The following MCC variants were observed in gnomAD, a reference collection of about 807,000 sequenced individuals.
MCC encodes the protein MCC regulator of Wnt signaling pathway, also known as colorectal mutant cancer protein.
In MCC, 90 loss-of-function variants were observed where a neutral mutation model predicts 116.2. The observed-to-expected ratio is 0.77, with a 90% CI of 0.65 to 0.92. MCC has a LOEUF of 0.92. MCC is among the 40% of genes least tolerant of loss of function. MCC has a pLI of 0.00. For synonymous variants in MCC, 578 were observed against 510.5 expected (o/e 1.13, Z -1.78); for missense variants, 1,516 against 1,312.2 (o/e 1.16, Z -2.40).
intron 14 of MCC, among the ~76,000 whole-genome samples, chr5:113,055,657 G>A (rs1752783935): frequency 1.3e-5 from 2 of 152,212 alleles, no homozygotes; most frequent in South Asian, 4.1e-4. Context: ...AGGTAAGCTA[G>A]ATCAGCCTGA....
intron 1 of MCC, among the ~76,000 whole-genome samples, chr5:113,442,415 T>A (rs903899702): frequency 1.3e-5 from 2 of 152,218 alleles, no homozygotes; most frequent in African/African-American, 2.4e-5. Flanking sequence ...GTCAGATAGA[T>A]AGATTGCAAA....
intron 3 of MCC, among the ~76,000 whole-genome samples, chr5:113,282,515 A>G (rs1280081992): frequency 1.3e-5 from 2 of 152,180 alleles, no homozygotes; most frequent in African/African-American, 2.4e-5. Context: ...CTTCCATCAG[A>G]TTATGCCAAA....
At chr5:113,191,549 G>A (rs912588950) in intron 3 of MCC, among the ~76,000 whole-genome samples, 2 of 152,156 alleles carry the variant, frequency 1.3e-5, no homozygotes, top group African/African-American at 2.4e-5. Context: ...GGAGAAACAG[G>A]AGTGCAAGGG....
rs552198138 is a variant in MCC at position 113,191,406 on chromosome 5, G to C, written c.628-39984C>G. 5.9e-5 allele frequency among the ~76,000 whole-genome samples: 9 copies of C among 152,310 alleles called. No homozygotes were observed. The South Asian group carries it at 1.7e-3, about 28-fold the overall frequency. ...CACAGCCTAACCAGGAACATCGTTG[G>C]TCATTGTGGGGAAACTGGCCCTGGA... On this transcript the variant is annotated intron_variant, in intron 3 of 18. Coordinates refer to ENST00000408903, the MANE Select transcript of MCC (RefSeq NM_001085377.2).
intron 3 of MCC, among the ~76,000 whole-genome samples, chr5:113,296,072 G>A (rs1766701536): frequency 6.6e-6 from 1 of 152,136 alleles, no homozygotes; most frequent in African/African-American, 2.4e-5. Context: ...TTGCCTGATG[G>A]AGGTGCTGCT....
intron 5 of MCC, among the ~76,000 whole-genome samples, chr5:113,135,235 G>C (rs1758740897): frequency 1.3e-5 from 2 of 148,860 alleles, no homozygotes; most frequent in South Asian, 4.5e-4. Context: ...ACTGTGCCCA[G>C]TCGGTCTTTT....
chr5:113,177,205 G>A (rs149035105), intron 3 of MCC, among the ~76,000 whole-genome samples: 20 of 152,098 alleles, frequency 1.3e-4, no homozygotes, highest in African/African-American at 4.3e-4. Context: ...ACACTCTTTC[G>A]GTGGCCTTGT....
rs552335368 is a variant in MCC at position 113,169,411 on chromosome 5, T to G, written c.628-17989A>C. Among the ~76,000 whole-genome samples the G allele has an allele frequency of 1.1e-4, 16 of 152,224 alleles. No individual in the cohort carries two copies. The South Asian group carries it at 2.7e-3, about 26-fold the overall frequency. On this transcript the variant is annotated intron_variant, in intron 3 of 18. Coordinates refer to ENST00000408903, the MANE Select transcript of MCC (RefSeq NM_001085377.2). Reference sequence around the variant, plus strand: ...AATGTGTCAAAGCCTTAATCTTGCATAGTCTCCTGTAATGCCACCCCACAC... The same window carrying G: ...AATGTGTCAAAGCCTTAATCTTGCAGAGTCTCCTGTAATGCCACCCCACAC...
intron 11 of MCC, among the ~76,000 whole-genome samples, chr5:113,080,574 G>A (rs1253463444): frequency 6.6e-6 from 1 of 152,120 alleles, no homozygotes; most frequent in Non-Finnish European, 1.5e-5. Flanking sequence ...AACACCACAT[G>A]TTCTCACTCA....
At chr5:113,448,724 A>C (rs1272256419) in intron 1 of MCC, among the ~76,000 whole-genome samples, 2 of 152,180 alleles carry the variant, frequency 1.3e-5, no homozygotes, top group African/African-American at 4.8e-5. Flanking sequence ...TTTTCCCGGA[A>C]TTACAAAATC....
At chr5:113,159,461 T>C (rs559425256) in intron 3 of MCC, among the ~76,000 whole-genome samples, 17 of 152,284 alleles carry the variant, frequency 1.1e-4, no homozygotes, top group Non-Finnish European at 8.8e-5. Context: ...TCCTTCATTG[T>C]AGAGAAATGA....
chr5:113,102,073 G>C, intron 7 of MCC, 128 bp from the exon 8 acceptor site: 1 of 866,788 alleles, frequency 1.2e-6, no homozygotes, highest in Non-Finnish European at 1.8e-6. Flanking sequence ...GTTATAAATA[G>C]TGATCATGAC....
At chr5:113,155,523 G>A (rs181740712) in intron 3 of MCC, among the ~76,000 whole-genome samples, 6 of 152,198 alleles carry the variant, frequency 3.9e-5, no homozygotes, top group East Asian at 1.9e-4. Flanking sequence ...GAGTGCCTCC[G>A]GGTGATTTTT....
chr5:113,235,460 A>C (rs1764093875), intron 3 of MCC, among the ~76,000 whole-genome samples: 1 of 152,232 alleles, frequency 6.6e-6, no homozygotes, highest in Non-Finnish European at 1.5e-5. Context: ...AGAGGTAAAT[A>C]ATCCTCAGAG....
At chr5:113,063,498 G>A (rs902889691) in intron 14 of MCC, among the ~76,000 whole-genome samples, 2 of 152,204 alleles carry the variant, frequency 1.3e-5, no homozygotes, top group South Asian at 2.1e-4. Context: ...GAGATGAGAG[G>A]AGAGGCTCTT....
chr5:113,367,876 C>T (rs919421793), intron 2 of MCC, among the ~76,000 whole-genome samples: 1 of 152,148 alleles, frequency 6.6e-6, no homozygotes, highest in African/African-American at 2.4e-5. Context: ...AATTGTCCAA[C>T]ATTCCTTACT....
chr5:113,047,768 G>T (rs1752191754), intron 16 of MCC, among the ~76,000 whole-genome samples: 1 of 149,406 alleles, frequency 6.7e-6, no homozygotes, highest in Admixed American at 6.7e-5. Context: ...GTCCACAGTT[G>T]TTTTTTTCCC....
At chr5:113,380,499 C>CTCATTCAT (rs113806132) in intron 2 of MCC, among the ~76,000 whole-genome samples, 13,032 of 151,312 alleles carry the variant, frequency 0.086, 821 homozygotes, top group Non-Finnish European at 0.12. Context: ...CAGTGCATTG[C>CTCATTCAT]TCATTCATTC....
intron 2 of MCC, among the ~76,000 whole-genome samples, chr5:113,348,424 G>A (rs1200388435): frequency 3.9e-5 from 6 of 151,934 alleles, no homozygotes; most frequent in South Asian, 2.1e-4. Context: ...TTTGAAAATC[G>A]TACAAACACA....
Sources: allele counts gnomAD v4.1 joint callset (sites outside exome capture counted in the v4.1 genomes callset), GRCh38; gene constraint gnomAD v4.1.1; transcripts MANE v1.5; gene names NCBI Gene and HGNC (gene_info 2026-07-23, HGNC 2026-07-21).